The following PKHD1 variants were observed in gnomAD, a reference collection of about 807,000 sequenced individuals.
PKHD1 encodes PKHD1 ciliary IPT domain containing fibrocystin/polyductin.
Under a neutral mutation model 412.0 loss-of-function variants are expected in PKHD1, and 291 were observed. That is an observed-to-expected ratio of 0.71 (90% CI 0.64 to 0.78). The LOEUF (loss-of-function observed/expected upper bound fraction) is 0.78. Ranked by LOEUF, PKHD1 falls within the 30% of genes least tolerant of loss-of-function variation. The pLI is 0.00. For missense variants in PKHD1, 4,825 were observed against 4,950.7 expected, an observed-to-expected ratio of 0.97 and a Z score of 0.76; for synonymous variants, 1,777 against 1,821.5, an observed-to-expected ratio of 0.98 and a Z score of 0.62.
intron 35 of PKHD1, among the ~76,000 whole-genome samples, chr6:51,973,342 G>T (rs1347645937): frequency 1.3e-5 from 2 of 152,136 alleles, no homozygotes; most frequent in Admixed American, 1.3e-4. Flanking sequence ...ATAGCAAAAT[G>T]CACTTTAATC....
intron 50 of PKHD1, among the ~76,000 whole-genome samples, chr6:51,842,951 G>T (rs1163659370): frequency 6.6e-6 from 1 of 152,208 alleles, no homozygotes. Context: ...GCATTATCAG[G>T]CCCCAGTGTT....
intron 61 of PKHD1, among the ~76,000 whole-genome samples, chr6:51,653,321 A>G (rs1371968582): frequency 1.3e-5 from 2 of 152,108 alleles, no homozygotes; most frequent in Admixed American, 6.6e-5. Context: ...CAAATAGCCA[A>G]TTCCTAAGAG....
rs377405352 is a variant in PKHD1 at position 51,939,435 on chromosome 6, C to T, written c.5909-5113G>A. 5.9e-4 allele frequency among the ~76,000 whole-genome samples: 90 copies of T among 151,510 alleles called. 2 individuals carry two copies. Among genetic ancestry groups the T allele is most frequent in the African/African-American group, 2.1e-3 (85 of 41,460 alleles). ...CCTTCCACCCTCCATTCCTCCTTCT[C>T]CCTTATCCTGTGTTCTCAAGAACTT... On this transcript the variant is annotated intron_variant, in intron 36 of 66. Coordinates refer to ENST00000371117, the MANE Select transcript of PKHD1 (RefSeq NM_138694.4).
intron 60 of PKHD1, among the ~76,000 whole-genome samples, chr6:51,679,675 G>A (rs576583196): frequency 1.3e-5 from 2 of 152,042 alleles, no homozygotes; most frequent in African/African-American, 2.4e-5. Flanking sequence ...AGGATGTTTC[G>A]GGAGGAAAGG....
intron 52 of PKHD1, among the ~76,000 whole-genome samples, chr6:51,803,849 GGT>G (rs1362738316): frequency 1.3e-5 from 2 of 151,252 alleles, no homozygotes; most frequent in Non-Finnish European, 2.9e-5. Context: ...TGGGATTACA[GGT>G]GCCCATCACC....
At chr6:51,626,851 G>C (rs1767297606) in intron 66 of PKHD1, 146 bp downstream of exon 66, 3 of 785,164 alleles carry the variant, frequency 3.8e-6, no homozygotes, top group Admixed American at 1.9e-5. Context: ...TTTCTGCTGG[G>C]GTATAATTTC....
At chr6:51,848,723 T>A (rs1771652510) in intron 49 of PKHD1, among the ~76,000 whole-genome samples, 1 of 152,158 alleles carries the variant, frequency 6.6e-6, no homozygotes, top group Admixed American at 6.5e-5. Context: ...CTGTTCTGAA[T>A]TCCTCATGAC....
chr6:51,636,675 A>T (rs1188400946), intron 64 of PKHD1, among the ~76,000 whole-genome samples: 1 of 152,190 alleles, frequency 6.6e-6, no homozygotes, highest in Non-Finnish European at 1.5e-5. Context: ...AAGAAATTTC[A>T]TTGTTTGGCG....
intron 51 of PKHD1, 71 bp from the exon 52 acceptor site, chr6:51,831,060 G>T: frequency 8.6e-7 from 1 of 1,161,784 alleles, no homozygotes; most frequent in Non-Finnish European, 1.3e-6. Flanking sequence ...CTTATTTTAG[G>T]ATGCTAGTGG....
At chr6:51,649,007 T>C in intron 62 of PKHD1, 78 bp downstream of exon 62, 2 of 1,370,280 alleles carry the variant, frequency 1.5e-6, no homozygotes, top group Non-Finnish European at 2.1e-6. Flanking sequence ...GTATCAATGA[T>C]GACACACTCT....
At chr6:51,958,284 T>G (rs919317050) in intron 36 of PKHD1, among the ~76,000 whole-genome samples, 1 of 152,078 alleles carries the variant, frequency 6.6e-6, no homozygotes, top group African/African-American at 2.4e-5. Flanking sequence ...GGATGAGGGT[T>G]TGCCTTTCCA....
intron 50 of PKHD1, among the ~76,000 whole-genome samples, chr6:51,841,447 C>A (rs977385376): frequency 1.3e-5 from 2 of 151,760 alleles, no homozygotes; most frequent in Non-Finnish European, 2.9e-5. Flanking sequence ...CTGCCTTTTC[C>A]TTTTGGAGTT....
chr6:51,880,779 T>TAAAAAAAAAA (rs71544105), intron 46 of PKHD1, among the ~76,000 whole-genome samples: 24 of 30,042 alleles, frequency 8.0e-4, no homozygotes, highest in Non-Finnish European at 8.5e-4. Context: ...AAAAAAAAAT[T>TAAAAAAAAAA]AAAAAAAAAA....
chr6:51,909,443 A>T lies in PKHD1; in HGVS notation c.6522T>A (p.Ser2174Arg), dbSNP rs1209437835. The change falls in exon 40 of 67, where the codon AGT (serine) becomes AGA (arginine). Residue 2174 changes from serine to arginine, a missense_variant. By Grantham distance (110) the Ser-to-Arg change is moderately radical. Coordinates refer to ENST00000371117, the MANE Select transcript of PKHD1 (RefSeq NM_138694.4). Reference sequence around the variant, plus strand: ...TATCCCTGGATCCTAGCATCTTCTCACTCATGGAATACAAACAGTGCTGCA... The same window carrying T: ...TATCCCTGGATCCTAGCATCTTCTCTCTCATGGAATACAAACAGTGCTGCA... ...GNLQHCLYSM[S>R]EKMLGSRDMG... 1 of 1,613,374 alleles carries T rather than the reference A, an allele frequency of 6.2e-7. No individual in the cohort carries two copies. The highest frequency in any genetic ancestry group is 1.3e-5 in the African/African-American group (1 of 74,958).
intron 60 of PKHD1, chr6:51,741,036 C>A: frequency 3.9e-6 from 2 of 510,730 alleles, no homozygotes; most frequent in Middle Eastern, 3.5e-4. Flanking sequence ...GATAGTAAAT[C>A]GTGTGTAATA....
At chr6:51,635,219 C>T (rs1313665753) in intron 64 of PKHD1, among the ~76,000 whole-genome samples, 1 of 152,040 alleles carries the variant, frequency 6.6e-6, no homozygotes, top group East Asian at 1.9e-4. Flanking sequence ...CATGAGCCAC[C>T]CCGCACAGCC....
chr6:51,958,579 C>T (rs187650808), intron 36 of PKHD1, among the ~76,000 whole-genome samples: 1 of 152,182 alleles, frequency 6.6e-6, no homozygotes, highest in East Asian at 1.9e-4. Context: ...CCAAGACTTT[C>T]AGCTGGGAAA....
At chr6:51,866,113 G>A (rs968447086) in intron 48 of PKHD1, among the ~76,000 whole-genome samples, 10 of 152,118 alleles carry the variant, frequency 6.6e-5, no homozygotes, top group Non-Finnish European at 1.2e-4. Flanking sequence ...ATCTAATTCA[G>A]TTGCCTCTCC....
rs189050809 is a variant in PKHD1 at position 52,053,734 on chromosome 6, G to A, written c.1964+304C>T. 2.0e-3 allele frequency among the ~76,000 whole-genome samples: 299 copies of A among 152,214 alleles called. 1 individual carries two copies. The highest frequency in any genetic ancestry group is 3.4e-3 in the Non-Finnish European group (232 of 68,002). On this transcript the variant is annotated intron_variant, in intron 20 of 66. Transcript: ENST00000371117. ...GAATTTTGATGAATCACAAATTCTT[G>A]GGGCCCCAAATTTCCTCTTTCTGTC...
Sources: gnomAD v4.1 joint callset for allele counts (sites outside exome capture counted in the v4.1 genomes callset) on GRCh38, gnomAD v4.1.1 for gene constraint, MANE v1.5 for transcripts, NCBI Gene and HGNC (gene_info 2026-07-23, HGNC 2026-07-21) for gene names.